Variants in MTUS2 observed in about 807,000 individuals in gnomAD.
MTUS2 encodes the protein microtubule-associated tumor suppressor candidate 2.
A neutral mutation model predicts 114.1 loss-of-function variants in MTUS2; 40 were observed. That is an observed-to-expected ratio of 0.35 (90% CI 0.27 to 0.46). The LOEUF (loss-of-function observed/expected upper bound fraction) is 0.46, where lower values mean the gene tolerates loss of function less well. MTUS2 is among the 20% of genes least tolerant of loss of function. The pLI, the probability that MTUS2 is intolerant of heterozygous loss-of-function variation, is 1.00. For missense variants in MTUS2, 1,679 were observed against 1,705.4 expected, an observed-to-expected ratio of 0.98 and a Z score of 0.27; for synonymous variants, 688 against 672.0, an observed-to-expected ratio of 1.02 and a Z score of -0.37.
At chr13:28,910,233 T>A (rs535700726) in intron 2 of MTUS2, among the ~76,000 whole-genome samples, 2 of 152,182 alleles carry the variant, frequency 1.3e-5, no homozygotes, top group African/African-American at 2.4e-5. Context: ...TTCCACAGGT[T>A]TAATTGTTTT....
intron 8 of MTUS2, among the ~76,000 whole-genome samples, chr13:29,369,252 C>T (rs967976620): frequency 6.6e-6 from 1 of 152,156 alleles, no homozygotes; most frequent in Admixed American, 6.5e-5. Flanking sequence ...AGTTCTGCCT[C>T]GTTTCAGCCC....
At chr13:29,483,488 G>C (rs1881360705) in intron 10 of MTUS2, among the ~76,000 whole-genome samples, 2 of 151,914 alleles carry the variant, frequency 1.3e-5, no homozygotes, top group Admixed American at 1.3e-4. Flanking sequence ...CCGCTTCTCA[G>C]CCTGCCCTGA....
intron 8 of MTUS2, among the ~76,000 whole-genome samples, chr13:29,414,713 C>G (rs1445036854): frequency 6.7e-6 from 1 of 149,834 alleles, no homozygotes; most frequent in Non-Finnish European, 1.5e-5. Flanking sequence ...GTTCTTTTTC[C>G]CTGTTCAGGT....
At chr13:28,922,801 A>AT (rs1173697009) in intron 2 of MTUS2, among the ~76,000 whole-genome samples, 1 of 152,082 alleles carries the variant, frequency 6.6e-6, no homozygotes, top group Non-Finnish European at 1.5e-5. Context: ...ATGAGTGTTG[A>AT]TTTTTGGTTG....
chr13:29,309,899 T>C (rs1224656099), intron 6 of MTUS2, among the ~76,000 whole-genome samples: 1 of 152,170 alleles, frequency 6.6e-6, no homozygotes, highest in African/African-American at 2.4e-5. Flanking sequence ...CAAGCATTTA[T>C]CCTTTCTTTA....
intron 9 of MTUS2, among the ~76,000 whole-genome samples, chr13:29,463,727 G>C (rs1879683137): frequency 6.6e-6 from 1 of 152,180 alleles, no homozygotes; most frequent in Non-Finnish European, 1.5e-5. Flanking sequence ...TGATAGATGG[G>C]GTGGCTCATG....
intron 2 of MTUS2, among the ~76,000 whole-genome samples, chr13:28,929,990 A>G (rs1181703847): frequency 1.3e-5 from 2 of 152,146 alleles, no homozygotes; most frequent in African/African-American, 4.8e-5. Context: ...AGGCCTGAGG[A>G]CATGGAGATG....
chr13:29,263,233 G>C (rs1897542433), intron 5 of MTUS2, among the ~76,000 whole-genome samples: 1 of 152,146 alleles, frequency 6.6e-6, no homozygotes, highest in African/African-American at 2.4e-5. Flanking sequence ...GTAAGTTCCT[G>C]TGGACCTAGA....
intron 5 of MTUS2, among the ~76,000 whole-genome samples, chr13:29,131,336 A>G (rs575267364): frequency 6.6e-6 from 1 of 152,258 alleles, no homozygotes; most frequent in Non-Finnish European, 1.5e-5. Context: ...TTACTGACTC[A>G]AAAGCTGATT....
At chr13:29,166,520 C>T (rs1479700908) in intron 5 of MTUS2, among the ~76,000 whole-genome samples, 2 of 152,160 alleles carry the variant, frequency 1.3e-5, no homozygotes, top group South Asian at 4.1e-4. Context: ...CTTTCTGAAT[C>T]CTCTAGTAAT....
intron 4 of MTUS2, among the ~76,000 whole-genome samples, chr13:29,060,844 A>AGT (rs1555231484): frequency 6.2e-5 from 8 of 128,032 alleles, no homozygotes; most frequent in Non-Finnish European, 1.1e-4. Context: ...TGTGTTGCCC[A>AGT]GACTGGAGTG....
intron 7 of MTUS2, among the ~76,000 whole-genome samples, chr13:29,333,038 T>A (rs997566435): frequency 5.3e-5 from 8 of 152,328 alleles, no homozygotes; most frequent in African/African-American, 1.9e-4. Flanking sequence ...AACACTGCTT[T>A]AGCTGTGTCC....
intron 2 of MTUS2, among the ~76,000 whole-genome samples, chr13:28,869,184 A>G (rs1490781979): frequency 6.6e-6 from 1 of 152,166 alleles, no homozygotes; most frequent in Non-Finnish European, 1.5e-5. Flanking sequence ...TTCCACTCCT[A>G]CACTCGTTGG....
At chr13:29,440,079 A>G (rs745739786) in intron 9 of MTUS2, 30 bp downstream of exon 9, 45 of 1,557,784 alleles carry the variant, frequency 2.9e-5, no homozygotes, top group Non-Finnish European at 3.8e-5. Flanking sequence ...TGAGGAGCAT[A>G]AAGAATGTCT....
At chr13:29,121,246 TAAG>T (rs1049543992) in intron 5 of MTUS2, among the ~76,000 whole-genome samples, 9 of 152,226 alleles carry the variant, frequency 5.9e-5, no homozygotes, top group Admixed American at 2.0e-4. Flanking sequence ...GCTCTCATAC[TAAG>T]AATAACTACA....
intron 8 of MTUS2, among the ~76,000 whole-genome samples, chr13:29,363,338 GTCT>G (rs1870427763): frequency 6.6e-6 from 1 of 151,952 alleles, no homozygotes; most frequent in African/African-American, 2.4e-5. Flanking sequence ...ATCTATTCTT[GTCT>G]TCTTTGTTAA....
chr13:29,037,650 A>G (rs950981445), intron 4 of MTUS2, among the ~76,000 whole-genome samples: 15 of 152,164 alleles, frequency 9.9e-5, no homozygotes, highest in African/African-American at 3.6e-4. Context: ...AGGTACACCA[A>G]TCAAATGTAG....
intron 2 of MTUS2, among the ~76,000 whole-genome samples, chr13:28,870,765 G>C (rs1877570677): frequency 6.6e-6 from 1 of 152,104 alleles, no homozygotes; most frequent in African/African-American, 2.4e-5. Context: ...CACTGGACTT[G>C]TTGATTTTCT....
chr13:28,844,818 C>T (rs1875758018), intron 2 of MTUS2, among the ~76,000 whole-genome samples: 1 of 152,140 alleles, frequency 6.6e-6, no homozygotes, highest in African/African-American at 2.4e-5. Context: ...GGGTTTCACC[C>T]ATGTTGCCCA....
Sources: allele counts gnomAD v4.1 joint callset (sites outside exome capture counted in the v4.1 genomes callset), GRCh38; gene constraint gnomAD v4.1.1; transcripts MANE v1.5; gene names NCBI Gene and HGNC (gene_info 2026-07-23, HGNC 2026-07-21).